The following PCDHGA12 variants were observed in gnomAD, a reference collection of about 807,000 sequenced individuals.
PCDHGA12 encodes the protein protocadherin gamma-A12.
In PCDHGA12, 43 loss-of-function variants were observed where a neutral mutation model predicts 61.1. That is an observed-to-expected ratio of 0.70 (90% confidence interval 0.55 to 0.91). The LOEUF (loss-of-function observed/expected upper bound fraction) is 0.91, where lower values mean the gene tolerates loss of function less well. Among genes scored for constraint, PCDHGA12 ranks in the 40% least tolerant of loss-of-function variants. The pLI, the probability that PCDHGA12 is intolerant of heterozygous loss-of-function variation, is 0.00. For synonymous variants in PCDHGA12, 520 were observed against 542.9 expected (o/e 0.96, Z 0.59); for missense variants, 1,236 against 1,227.7 (o/e 1.01, Z -0.10).
intron 1 of PCDHGA12, among the ~76,000 whole-genome samples, chr5:141,443,771 A>G (rs1031470429): frequency 9.2e-5 from 14 of 152,238 alleles, no homozygotes; most frequent in African/African-American, 3.1e-4. Context: ...ATACAATATT[A>G]CCAAAAAGAC....
At chr5:141,510,155 C>G (rs1044168112) in intron 3 of PCDHGA12, among the ~76,000 whole-genome samples, 2 of 151,942 alleles carry the variant, frequency 1.3e-5, no homozygotes, top group African/African-American at 4.8e-5. Context: ...CACCTGTAAT[C>G]TCAGCTACTC....
intron 1 of PCDHGA12, chr5:141,475,983 C>A: frequency 9.5e-7 from 1 of 1,049,244 alleles, no homozygotes; most frequent in Non-Finnish European, 1.4e-6. Context: ...GAACAGCCGG[C>A]GAGCAAATCA....
chr5:141,503,367 C>T (rs1038565489), intron 2 of PCDHGA12, among the ~76,000 whole-genome samples: 5 of 151,908 alleles, frequency 3.3e-5, no homozygotes, highest in African/African-American at 9.7e-5. Flanking sequence ...GAAGCGGAGG[C>T]AGGTGGATCA....
chr5:141,502,246 T>A (rs1449536622), intron 2 of PCDHGA12, among the ~76,000 whole-genome samples: 1 of 152,206 alleles, frequency 6.6e-6, no homozygotes, highest in African/African-American at 2.4e-5. Flanking sequence ...TTTATCCTTT[T>A]TTTTAATCCA....
intron 1 of PCDHGA12, among the ~76,000 whole-genome samples, chr5:141,464,921 G>A (rs1562002597): frequency 6.6e-6 from 1 of 151,106 alleles, no homozygotes; most frequent in Non-Finnish European, 1.5e-5. Flanking sequence ...TTATTTTTTT[G>A]TAGAGATGTG....
Position 141,504,710 on chromosome 5 carries a change from G to A in PCDHGA12, c.2484-683G>A, listed in dbSNP as rs528205869. The stretch of plus-strand genomic sequence containing the variant: ...AGGAGGGGCAGGTTCTTCTATGGCC[G>A]TGGATTTTACTCTGAGGGCTTAGGA... On this transcript the variant is annotated intron_variant, in intron 2 of 3. Transcript: ENST00000252085. Among the ~76,000 whole-genome samples the A allele has an allele frequency of 1.4e-4, 21 of 151,968 alleles. No homozygotes were observed. The East Asian group carries it at 3.7e-3, about 27-fold the overall frequency.
In PCDHGA12 at chr5:141,464,280, A is replaced by C. The variant is rs934753450; in HGVS notation, c.2425-30527A>C. Among the ~76,000 whole-genome samples, 148 of 75,930 alleles carry C rather than the reference A, an allele frequency of 1.9e-3. 1 individual carries two copies. Among genetic ancestry groups the C allele is most frequent in the African/African-American group, 0.011 (146 of 12,968 alleles). 49.8% of individuals were successfully genotyped at this position (75,930 alleles called of 152,430 possible). Reference sequence around the variant, plus strand: ...ACTCCGTCTAAAAAAAAAAAAAAGCAAAAAAAAAAACTCCATTGTATGTGC... The same window carrying C: ...ACTCCGTCTAAAAAAAAAAAAAAGCCAAAAAAAAAACTCCATTGTATGTGC... On this transcript the variant is annotated intron_variant, in intron 1 of 3. Transcript: ENST00000252085.
At position 141,487,736 on chromosome 5, in the gene PCDHGA12, G is replaced by C; in HGVS notation, c.2425-7071G>C. On this transcript the variant is annotated intron_variant, in intron 1 of 3. Transcript: ENST00000252085. The surrounding 1 kb of genome is among the most constrained non-coding windows in gnomAD (Gnocchi z 5.0). Reference sequence around the variant, plus strand: ...TGCCCATAGTGATGTCACCATTTTTGTAAGAGGTAACTATGTGGTAGACGC... The same window carrying C: ...TGCCCATAGTGATGTCACCATTTTTCTAAGAGGTAACTATGTGGTAGACGC... 1 of 1,563,758 alleles carries C rather than the reference G, an allele frequency of 6.4e-7. No homozygotes were observed.
Position 141,431,614 on chromosome 5 carries a change from C to G in PCDHGA12, c.855C>G (p.Asp285Glu). ...TGAGGTATTCCTTCCGGTATGTGGACGACAAGGCGGCCCAAGTTTTCAAAC... is the reference window on the plus strand; with the variant it reads ...TGAGGTATTCCTTCCGGTATGTGGAGGACAAGGCGGCCCAAGTTTTCAAAC... ...AEVRYSFRYVDDKAAQVFKLD... is the reference protein window; with the variant it reads ...AEVRYSFRYVEDKAAQVFKLD... Residue 285 changes from aspartate to glutamate, a missense_variant, in exon 1 of 4, where the codon GAC (aspartate) becomes GAG (glutamate). Physicochemically the swap from Asp to Glu is conservative, Grantham distance 45 (BLOSUM62 2). Coordinates refer to ENST00000252085, the MANE Select transcript of PCDHGA12 (RefSeq NM_003735.3). This position sits in a 1 kb window ranked among gnomAD's most constrained non-coding sequence, Gnocchi z 4.8. 6.2e-7 allele frequency: 1 copy of G among 1,614,206 alleles called. No homozygotes were observed. The highest frequency in any genetic ancestry group is 1.1e-5 in the South Asian group (1 of 91,092).
At position 141,431,106 on chromosome 5, in the gene PCDHGA12, T is replaced by C. The variant is rs566174531; in HGVS notation, c.347T>C (p.Ile116Thr). 25 of 1,614,108 alleles carry C rather than the reference T, an allele frequency of 1.5e-5. No homozygotes were observed. In the South Asian group the frequency reaches 2.7e-4, roughly 18 times the overall value. Residue 116 changes from isoleucine to threonine, a missense_variant, in exon 1 of 4, where the codon ATA becomes ACA. Ile to Thr is a moderately conservative substitution (Grantham distance 89). Transcript: ENST00000252085. This position sits in a 1 kb window ranked among gnomAD's most constrained non-coding sequence, Gnocchi z 4.8. ...LDILMEDKVK[I>T]YGVEVEVRDI... ...ATTCTGATGGAGGATAAAGTGAAAA[T>C]ATATGGAGTAGAAGTAGAAGTAAGG...
intron 1 of PCDHGA12, among the ~76,000 whole-genome samples, chr5:141,444,726 G>C (rs1296177763): frequency 6.6e-6 from 1 of 152,048 alleles, no homozygotes; most frequent in African/African-American, 2.4e-5. Flanking sequence ...TGGTGCCTTT[G>C]TTGAAAGTCA....
intron 1 of PCDHGA12, among the ~76,000 whole-genome samples, chr5:141,435,743 G>T (rs3805699): frequency 0.11 from 17,212 of 152,168 alleles, 1,160 homozygotes; most frequent in African/African-American, 0.18. Context: ...TCTTTGAAAA[G>T]CATTGCTTGA....
chr5:141,487,748 T>A lies in PCDHGA12; in HGVS notation c.2425-7059T>A, dbSNP rs1458153935. ...TGTCACCATTTTTGTAAGAGGTAACTATGTGGTAGACGCTGTGCTTTGTAA... is the reference window on the plus strand; with the variant it reads ...TGTCACCATTTTTGTAAGAGGTAACAATGTGGTAGACGCTGTGCTTTGTAA... On this transcript the variant is annotated intron_variant, in intron 1 of 3. Transcript: ENST00000252085. This position sits in a 1 kb window ranked among gnomAD's most constrained non-coding sequence, Gnocchi z 5.0. 6.4e-7 allele frequency: 1 copy of A among 1,557,554 alleles called. No homozygotes were observed. The highest frequency in any genetic ancestry group is 1.2e-5 in the South Asian group (1 of 84,814).
chr5:141,433,642 C>A (rs1457700205), intron 1 of PCDHGA12, among the ~76,000 whole-genome samples: 2 of 152,170 alleles, frequency 1.3e-5, no homozygotes, highest in South Asian at 2.1e-4. Context: ...TTGAGACCAG[C>A]CTGACCAACA....
chr5:141,434,547 A>G (rs1277148299), intron 1 of PCDHGA12, among the ~76,000 whole-genome samples: 1 of 152,232 alleles, frequency 6.6e-6, no homozygotes, highest in East Asian at 1.9e-4. Context: ...AGCATGAGTG[A>G]TCTGTGCCTT....
At chr5:141,468,409 A>G (rs183146641) in intron 1 of PCDHGA12, 1 of 152,230 alleles carries the variant, frequency 6.6e-6, no homozygotes, top group East Asian at 1.9e-4. Flanking sequence ...AACTAATAAT[A>G]AGTTAGATAG....
At chr5:141,470,585 G>A (rs2099233788) in intron 1 of PCDHGA12, among the ~76,000 whole-genome samples, 1 of 152,188 alleles carries the variant, frequency 6.6e-6, no homozygotes, top group African/African-American at 2.4e-5. Flanking sequence ...AACTTCATAG[G>A]CAGGCGACCT....
chr5:141,477,765 A>C lies in PCDHGA12; in HGVS notation c.2425-17042A>C, dbSNP rs752391870. The C allele has an allele frequency of 6.2e-7, 1 of 1,614,026 alleles. No individual in the cohort carries two copies. Among genetic ancestry groups the C allele is most frequent in the Non-Finnish European group, 8.5e-7 (1 of 1,180,036 alleles). Reference sequence around the variant, plus strand: ...GGGGGCACCCCGGTCCTAGCCACCAACATCAGCGTGAACATATTTGTCACT... The same window carrying C: ...GGGGGCACCCCGGTCCTAGCCACCACCATCAGCGTGAACATATTTGTCACT... On this transcript the variant is annotated intron_variant, in intron 1 of 3. Coordinates refer to ENST00000252085, the MANE Select transcript of PCDHGA12 (RefSeq NM_003735.3). The surrounding 1 kb of genome is among the most constrained non-coding windows in gnomAD (Gnocchi z 4.9).
chr5:141,458,367 G>A (rs1297876142), intron 1 of PCDHGA12, among the ~76,000 whole-genome samples: 2 of 152,130 alleles, frequency 1.3e-5, no homozygotes, highest in African/African-American at 2.4e-5. Context: ...AGAAGGAAGG[G>A]AGAAGAGAGA....
Sources: allele counts gnomAD v4.1 joint callset (sites outside exome capture counted in the v4.1 genomes callset), GRCh38; gene constraint gnomAD v4.1.1; non-coding constraint Gnocchi (gnomAD v3.1); transcripts MANE v1.5; gene names NCBI Gene and HGNC (gene_info 2026-07-23, HGNC 2026-07-21).